The following STARD13 variants were observed in gnomAD, a reference collection of about 807,000 sequenced individuals.
STARD13 encodes stAR-related lipid transfer protein 13.
Under a neutral mutation model 106.4 loss-of-function variants are expected in STARD13, and 62 were observed. That is an observed-to-expected ratio of 0.58 (90% CI 0.48 to 0.72). The LOEUF (loss-of-function observed/expected upper bound fraction) is 0.72, where lower values mean the gene tolerates loss of function less well. Ranked by LOEUF, STARD13 falls within the 30% of genes least tolerant of loss-of-function variation. The pLI, the probability that STARD13 is intolerant of heterozygous loss-of-function variation, is 0.00. For synonymous variants in STARD13, 565 were observed against 553.0 expected (o/e 1.02, Z -0.31); for missense variants, 1,387 against 1,424.0 (o/e 0.97, Z 0.42).
At chr13:33,189,394 GTCCCTTCCCT>G (rs1886041497) in intron 1 of STARD13, among the ~76,000 whole-genome samples, 4 of 121,166 alleles carry the variant, frequency 3.3e-5, no homozygotes, top group Non-Finnish European at 4.9e-5. Flanking sequence ...AAACCAGAGA[GTCCCTTCCCT>G]TTCCTCCTGC....
intron 1 of STARD13, among the ~76,000 whole-genome samples, chr13:33,178,786 T>A (rs1325793294): frequency 6.6e-6 from 1 of 152,218 alleles, no homozygotes; most frequent in East Asian, 1.9e-4. Flanking sequence ...TAACTTGGTA[T>A]TTCCTGGTTG....
chr13:33,473,142 T>C, the STARD13 span, among the ~76,000 whole-genome samples: 1 of 152,204 alleles, frequency 6.6e-6, no homozygotes. Context: ...GTGCCAGGCA[T>C]GGTGTTAGAC....
At position 33,111,766 on chromosome 13, in the gene STARD13, C is replaced by A; in HGVS notation, c.2607+12G>T. ...GCTACTAGGGAGGCGGAGGTTCGAG[C>A]CTTTTGCTCACCTCAAAAAGTCTGT... is the stretch of plus-strand genomic sequence containing the variant. On this transcript the variant is annotated intron_variant, in intron 10 of 13. Coordinates refer to ENST00000336934, the MANE Select transcript of STARD13 (RefSeq NM_178006.4). 1.9e-6 allele frequency: 3 copies of A among 1,585,330 alleles called. No homozygotes were observed. Among genetic ancestry groups the A allele is most frequent in the Non-Finnish European group, 1.7e-6 (2 of 1,153,804 alleles).
Position 33,111,910 on chromosome 13 carries a change from T to C in STARD13, c.2493-18A>G. On this transcript the variant is annotated intron_variant, in intron 9 of 13. Coordinates refer to ENST00000336934, the MANE Select transcript of STARD13 (RefSeq NM_178006.4). ...GTATGACTCTGTAATTGAACGTGAG[T>C]GTGCTAAGCAGATCCCACACCAACG... is the stretch of plus-strand genomic sequence containing the variant. 4 of 1,534,024 alleles carry C rather than the reference T, an allele frequency of 2.6e-6. No homozygotes were observed. The highest frequency in any genetic ancestry group is 9.0e-7 in the Non-Finnish European group (1 of 1,107,284).
chr13:33,446,602 G>T, the STARD13 span, among the ~76,000 whole-genome samples: 1 of 151,952 alleles, frequency 6.6e-6, no homozygotes, highest in African/African-American at 2.4e-5. Context: ...ATCCACTTTT[G>T]TGGACTGAAA....
intron 1 of STARD13, among the ~76,000 whole-genome samples, chr13:33,296,556 A>G (rs949861919): frequency 6.6e-6 from 1 of 151,874 alleles, no homozygotes; most frequent in Non-Finnish European, 1.5e-5. Flanking sequence ...CATCTCCCCC[A>G]TTCCGCATCC....
chr13:33,577,162 TG>T, the STARD13 span, among the ~76,000 whole-genome samples: 53 of 152,356 alleles, frequency 3.5e-4, no homozygotes, highest in Non-Finnish European at 5.6e-4. Flanking sequence ...ATTTTCATAA[TG>T]TACTACAGAT....
chr13:33,558,017 T>G, the STARD13 span, among the ~76,000 whole-genome samples: 3 of 152,132 alleles, frequency 2.0e-5, no homozygotes, highest in Non-Finnish European at 4.4e-5. Flanking sequence ...ATAAACAAAC[T>G]ATTTCATGAA....
chr13:33,295,795 A>T (rs758148312), intron 1 of STARD13, among the ~76,000 whole-genome samples: 45 of 152,146 alleles, frequency 3.0e-4, no homozygotes, highest in Non-Finnish European at 4.6e-4. Flanking sequence ...AGGGATGCAT[A>T]CCTGGGCGAG....
the STARD13 span, among the ~76,000 whole-genome samples, chr13:33,590,262 T>C: frequency 2.0e-5 from 3 of 152,154 alleles, no homozygotes. Flanking sequence ...GACTGTAAAC[T>C]AGTTCAACCA....
At chr13:33,421,005 G>C in the STARD13 span, among the ~76,000 whole-genome samples, 1 of 152,106 alleles carries the variant, frequency 6.6e-6, no homozygotes, top group African/African-American at 2.4e-5. Context: ...AAGCAGAAAA[G>C]AACTAAAATC....
rs569283839 is a variant in STARD13 at position 33,341,063 on chromosome 13, A to C, written c.124+9227T>G. The stretch of plus-strand genomic sequence containing the variant: ...TAGGACTAAACATTCAAGGACTCTG[A>C]AAAAAGCCCAGAAATGTTGTAAGAC... On this transcript the variant is annotated intron_variant, in intron 1 of 5. Coordinates refer to the STARD13 transcript ENST00000567873. 1.1e-4 allele frequency among the ~76,000 whole-genome samples: 17 copies of C among 152,354 alleles called. No individual in the cohort carries two copies. The South Asian group carries it at 3.3e-3, about 30-fold the overall frequency.
intron 6 of STARD13, among the ~76,000 whole-genome samples, chr13:33,126,879 C>CAT (rs5802670): frequency 0.81 from 123,346 of 152,042 alleles, 50,303 homozygotes; most frequent in African/African-American, 0.89. Context: ...CAAGTTCTAA[C>CAT]ATGCTTCTGT....
the STARD13 span, among the ~76,000 whole-genome samples, chr13:33,598,287 C>G: frequency 1.1e-4 from 17 of 152,226 alleles, no homozygotes; most frequent in South Asian, 6.2e-4. Flanking sequence ...GAATGTTCTC[C>G]AGGAACATTC....
At chr13:33,594,830 A>G in the STARD13 span, among the ~76,000 whole-genome samples, 2 of 152,220 alleles carry the variant, frequency 1.3e-5, no homozygotes, top group Non-Finnish European at 2.9e-5. Context: ...ATGTTATGGC[A>G]TATGTCTGAA....
the STARD13 span, among the ~76,000 whole-genome samples, chr13:33,523,086 G>A: frequency 6.6e-6 from 1 of 152,116 alleles, no homozygotes; most frequent in African/African-American, 2.4e-5. Flanking sequence ...TGTTCTGTGG[G>A]GCACAGTTTC....
chr13:33,382,303 C>T, the STARD13 span, among the ~76,000 whole-genome samples: 13 of 152,136 alleles, frequency 8.5e-5, no homozygotes, highest in African/African-American at 1.2e-4. Flanking sequence ...AGGGCTTTTG[C>T]GGTGCTGTGC....
intron 1 of STARD13, among the ~76,000 whole-genome samples, chr13:33,197,672 G>C (rs1302005351): frequency 6.6e-6 from 1 of 152,178 alleles, no homozygotes; most frequent in African/African-American, 2.4e-5. Context: ...ATGTATGCTT[G>C]CCTAACGGAT....
the STARD13 span, among the ~76,000 whole-genome samples, chr13:33,361,180 T>C: frequency 2.1e-3 from 325 of 151,438 alleles, no homozygotes; most frequent in Non-Finnish European, 2.2e-3. Context: ...TCCTCTGCCC[T>C]CCGAGACAGC....
Sources: allele counts gnomAD v4.1 joint callset (sites outside exome capture counted in the v4.1 genomes callset), GRCh38; gene constraint gnomAD v4.1.1; transcripts MANE v1.5; gene names NCBI Gene and HGNC (gene_info 2026-07-23, HGNC 2026-07-21).